AMOTL1: variants seen among roughly 807,000 people sequenced by gnomAD.
The protein encoded by AMOTL1 is angiomotin like 1.
In AMOTL1, 45 loss-of-function variants were observed where a neutral mutation model predicts 102.9. The ratio of observed to expected loss-of-function variants is 0.44; its 90% confidence interval spans 0.34 to 0.56. The LOEUF (loss-of-function observed/expected upper bound fraction) is 0.56, where lower values mean the gene tolerates loss of function less well. Ranked by LOEUF, AMOTL1 falls within the 20% of genes least tolerant of loss-of-function variation. AMOTL1 has a pLI of 0.01. For missense variants in AMOTL1, 1,114 were observed against 1,225.6 expected (o/e 0.91, Z 1.36); for synonymous variants, 481 against 484.7 (o/e 0.99, Z 0.10).
At chr11:94,849,447 A>T (rs1041024207) in intron 6 of AMOTL1, among the ~76,000 whole-genome samples, 1 of 152,260 alleles carries the variant, frequency 6.6e-6, no homozygotes, top group African/African-American at 2.4e-5. Flanking sequence ...AACTAAGAGC[A>T]TACCAGCCTT....
At chr11:94,816,292 C>G (rs1951765168) in intron 3 of AMOTL1, among the ~76,000 whole-genome samples, 1 of 152,064 alleles carries the variant, frequency 6.6e-6, no homozygotes, top group Admixed American at 6.6e-5. Context: ...AATGTTTTAT[C>G]CTAAAGGCCT....
intron 6 of AMOTL1, among the ~76,000 whole-genome samples, chr11:94,833,436 C>T (rs1455246809): frequency 6.6e-6 from 1 of 152,072 alleles, no homozygotes; most frequent in African/African-American, 2.4e-5. Context: ...TTAGCATGTC[C>T]CCCACATATA....
intron 3 of AMOTL1, among the ~76,000 whole-genome samples, chr11:94,814,261 G>C (rs1951729399): frequency 6.6e-6 from 1 of 152,216 alleles, no homozygotes; most frequent in South Asian, 2.1e-4. Context: ...CTGAATGACA[G>C]TGCAGAAAAG....
chr11:94,802,001 GGA>G (rs1487207268), intron 3 of AMOTL1, among the ~76,000 whole-genome samples: 2 of 152,190 alleles, frequency 1.3e-5, no homozygotes, highest in Non-Finnish European at 2.9e-5. Context: ...TTCTGAAAAA[GGA>G]GAGGCTGGAG....
At chr11:94,786,818 C>T (rs1223406708) in intron 1 of AMOTL1, among the ~76,000 whole-genome samples, 1 of 152,156 alleles carries the variant, frequency 6.6e-6, no homozygotes, top group Non-Finnish European at 1.5e-5. Flanking sequence ...TAAGAACATG[C>T]TTATAACTAG....
chr11:94,864,752 A>G lies in AMOTL1; in HGVS notation c.2153A>G (p.Asn718Ser), dbSNP rs769768157. The change falls in exon 10 of 13, where the codon AAC becomes AGC. Residue 718 changes from asparagine (N) to serine (S), a missense_variant. Transcript: ENST00000433060. ...GTTGCCAGGGACACCACGATCATCA[A>G]CCACTCACGGAATGGCAGCTACGGA... Reference protein sequence around the residue: ...AAAERDTTIINHSRNGSYGES... With the variant: ...AAAERDTTIISHSRNGSYGES... 20 of 1,613,664 alleles carry G rather than the reference A, an allele frequency of 1.2e-5. No homozygotes were observed. The highest frequency in any genetic ancestry group is 1.7e-5 in the Non-Finnish European group (20 of 1,179,700).
chr11:94,801,317 G>A (rs1951474458), intron 3 of AMOTL1, among the ~76,000 whole-genome samples: 1 of 152,158 alleles, frequency 6.6e-6, no homozygotes, highest in Non-Finnish European at 1.5e-5. Context: ...GCAGAGCACT[G>A]GTGGGCAAGG....
intron 3 of AMOTL1, among the ~76,000 whole-genome samples, chr11:94,742,962 C>G (rs1025200707): frequency 5.3e-5 from 8 of 152,184 alleles, no homozygotes; most frequent in South Asian, 4.1e-4. Context: ...TTCCCAAAGG[C>G]CTCACCTCCA....
At chr11:94,767,773 C>T (rs1950873451), upstream of AMOTL1, among the ~76,000 whole-genome samples, 1 of 152,142 alleles carries the variant, frequency 6.6e-6, no homozygotes, top group Non-Finnish European at 1.5e-5. Context: ...AGATAACAGC[C>T]TGGGGATTTA....
chr11:94,827,902 T>C (rs1951996206), intron 4 of AMOTL1, among the ~76,000 whole-genome samples: 1 of 152,212 alleles, frequency 6.6e-6, no homozygotes, highest in South Asian at 2.1e-4. Flanking sequence ...AGTTTTTCCC[T>C]GGTGCCCTGC....
chr11:94,800,647 ATAT>A (rs1951459854), intron 3 of AMOTL1, among the ~76,000 whole-genome samples: 1 of 152,180 alleles, frequency 6.6e-6, no homozygotes, highest in Non-Finnish European at 1.5e-5. Flanking sequence ...CTCCTGGAAC[ATAT>A]TATTACCAGA....
intron 3 of AMOTL1, among the ~76,000 whole-genome samples, chr11:94,752,257 C>T (rs550940759): frequency 6.6e-6 from 1 of 152,218 alleles, no homozygotes; most frequent in South Asian, 2.1e-4. Context: ...GTCAGTTGCA[C>T]CCTCCTCAGC....
At chr11:94,738,842 G>C (rs1329234583) in intron 2 of AMOTL1, among the ~76,000 whole-genome samples, 1 of 152,104 alleles carries the variant, frequency 6.6e-6, no homozygotes, top group East Asian at 1.9e-4. Flanking sequence ...ATAACAGAGG[G>C]GATAAGCTGG....
intron 3 of AMOTL1, among the ~76,000 whole-genome samples, chr11:94,821,082 C>A (rs1317174996): frequency 6.6e-6 from 1 of 152,168 alleles, no homozygotes; most frequent in African/African-American, 2.4e-5. Context: ...TCTTCACCCG[C>A]TCTGTCCAAA....
intron 3 of AMOTL1, chr11:94,741,056 G>A (rs1339262952): frequency 1.6e-6 from 2 of 1,217,676 alleles, no homozygotes; most frequent in African/African-American, 3.1e-5. Flanking sequence ...AGTTTGGGGG[G>A]CGTCCATAGG....
chr11:94,782,173 A>C (rs1026567778), intron 1 of AMOTL1, among the ~76,000 whole-genome samples: 3 of 152,254 alleles, frequency 2.0e-5, no homozygotes, highest in African/African-American at 7.2e-5. Context: ...TACTTGAAAG[A>C]ACAACTGACA....
intron 1 of AMOTL1, among the ~76,000 whole-genome samples, chr11:94,789,057 GT>G (rs1951239139): frequency 6.6e-6 from 1 of 152,176 alleles, no homozygotes; most frequent in South Asian, 2.1e-4. Flanking sequence ...CAAACCTCGG[GT>G]TTCAGGTAAT....
At chr11:94,715,385 A>T (rs1950081507) in intron 1 of AMOTL1, among the ~76,000 whole-genome samples, 1 of 152,010 alleles carries the variant, frequency 6.6e-6, no homozygotes. Context: ...TGCCCAGGCT[A>T]GTCTCAAATT....
intron 1 of AMOTL1, among the ~76,000 whole-genome samples, chr11:94,722,622 C>CCA (rs1950191346): frequency 6.6e-6 from 1 of 152,130 alleles, no homozygotes; most frequent in African/African-American, 2.4e-5. Context: ...AGATTTGTCT[C>CCA]CAAAGTCCTT....
Sources: gnomAD v4.1 joint callset for allele counts (sites outside exome capture counted in the v4.1 genomes callset) on GRCh38, gnomAD v4.1.1 for gene constraint, MANE v1.5 for transcripts, NCBI Gene and HGNC (gene_info 2026-07-23, HGNC 2026-07-21) for gene names.